The following BRINP1 variants were observed in gnomAD, a reference collection of about 807,000 sequenced individuals.
The protein encoded by BRINP1 is BMP/retinoic acid-inducible neural-specific protein 1.
Under a neutral mutation model 72.9 loss-of-function variants are expected in BRINP1, and 17 were observed. That is an observed-to-expected ratio of 0.23 (90% CI 0.16 to 0.35). The LOEUF (loss-of-function observed/expected upper bound fraction) is 0.35. BRINP1 is among the 10% of genes least tolerant of loss of function. The pLI, the probability that BRINP1 is intolerant of heterozygous loss-of-function variation, is 1.00. For synonymous variants in BRINP1, 418 were observed against 378.5 expected (o/e 1.10, Z -1.21); for missense variants, 850 against 1,001.6 (o/e 0.85, Z 2.04).
At chr9:119,216,333 C>T (rs1829974771) in intron 5 of BRINP1, among the ~76,000 whole-genome samples, 1 of 152,164 alleles carries the variant, frequency 6.6e-6, no homozygotes, top group African/African-American at 2.4e-5. Context: ...GCAGATTAAG[C>T]TATACAGTTG....
chr9:119,248,623 A>G (rs1830347226), intron 3 of BRINP1, among the ~76,000 whole-genome samples: 1 of 152,224 alleles, frequency 6.6e-6, no homozygotes, highest in Admixed American at 6.5e-5. Flanking sequence ...TCCCTAAACA[A>G]TATCTGAAAT....
chr9:119,234,940 T>C (rs2118903463), intron 5 of BRINP1, among the ~76,000 whole-genome samples: 1 of 152,278 alleles, frequency 6.6e-6, no homozygotes, highest in African/African-American at 2.4e-5. Flanking sequence ...CCATCTATCC[T>C]TTCTATCTCA....
intron 7 of BRINP1, among the ~76,000 whole-genome samples, chr9:119,179,855 T>G (rs1226325320): frequency 6.6e-6 from 1 of 152,218 alleles, no homozygotes; most frequent in Non-Finnish European, 1.5e-5. Context: ...ACACCTCAGC[T>G]GCCCCCCTGC....
At chr9:119,250,135 AGGGAGGGAAGGAGGGAGGGAG>A (rs1293594355) in intron 2 of BRINP1, among the ~76,000 whole-genome samples, 7 of 97,502 alleles carry the variant, frequency 7.2e-5, no homozygotes, top group African/African-American at 2.3e-4. Flanking sequence ...GGAGGGAGGG[AGGGAGGGAAGGAGGGAGGGAG>A]GGTGAGAAGG....
Position 119,168,428 on chromosome 9 carries a change from C to T in BRINP1, c.1146-204G>A, listed in dbSNP as rs751957846. Among the ~76,000 whole-genome samples, 42 of 152,270 alleles carry T rather than the reference C, an allele frequency of 2.8e-4. 1 individual carries two copies. The highest frequency in any genetic ancestry group is 3.3e-4 in the Admixed American group (5 of 15,306). On this transcript the variant is annotated intron_variant, in intron 7 of 7. Transcript: ENST00000265922. ...ATGCCACAAACCAGCTGCATGACAT[C>T]GTACTTTACCTTCCTAATGTTCAAT...
chr9:119,189,137 T>C (rs1283786296), intron 7 of BRINP1, among the ~76,000 whole-genome samples: 3 of 152,098 alleles, frequency 2.0e-5, no homozygotes, highest in Middle Eastern at 3.4e-3. Context: ...AAATATCTTA[T>C]GTAAGCCTCA....
At chr9:119,170,908 A>ATACTT (rs1249193947) in intron 7 of BRINP1, among the ~76,000 whole-genome samples, 4 of 144,892 alleles carry the variant, frequency 2.8e-5, no homozygotes, top group African/African-American at 5.4e-5. Flanking sequence ...GAGAAATAAA[A>ATACTT]TACTTTACAG....
chr9:119,334,784 G>A (rs1831332058), intron 1 of BRINP1, among the ~76,000 whole-genome samples: 1 of 151,910 alleles, frequency 6.6e-6, no homozygotes, highest in Non-Finnish European at 1.5e-5. Flanking sequence ...GGAGGGGGTG[G>A]GGGAGGGGAA....
intron 2 of BRINP1, among the ~76,000 whole-genome samples, chr9:119,274,219 G>A (rs972449032): frequency 2.6e-5 from 4 of 152,296 alleles, no homozygotes; most frequent in Middle Eastern, 3.4e-3. Flanking sequence ...CTAAATGGCA[G>A]TTGTTTCCTA....
At chr9:119,262,361 C>T (rs1028872014) in intron 2 of BRINP1, among the ~76,000 whole-genome samples, 48 of 151,992 alleles carry the variant, frequency 3.2e-4, no homozygotes, top group African/African-American at 9.4e-4. Flanking sequence ...AGGCCAGGCG[C>T]GGTGGCTCAC....
At position 119,291,122 on chromosome 9, in the gene BRINP1, C is replaced by CAAA. The variant is rs66505860; in HGVS notation, c.218+22013_218+22015dup. On this transcript the variant is annotated intron_variant, in intron 2 of 7. Coordinates refer to ENST00000265922, the MANE Select transcript of BRINP1 (RefSeq NM_014618.3). ...AGGGCGACAAGAATGAACTCCATCT[C>CAAA]AAAAAAAAAAAAAAAAAATTAGAAA... is the stretch of plus-strand genomic sequence containing the variant. Among the ~76,000 whole-genome samples the CAAA allele has an allele frequency of 3.2e-3, 387 of 121,088 alleles. 2 individuals carry two copies. The highest frequency in any genetic ancestry group is 0.012 in the African/African-American group (376 of 32,032). 79.4% of individuals were successfully genotyped at this position (121,088 alleles called of 152,430 possible). A position where few individuals can be genotyped will look rare whatever the true frequency, so the allele number is the denominator to read the frequency against.
intron 1 of BRINP1, among the ~76,000 whole-genome samples, chr9:119,325,411 G>T (rs1032250669): frequency 6.6e-6 from 1 of 151,962 alleles, no homozygotes; most frequent in African/African-American, 2.4e-5. Flanking sequence ...CACCCTATTC[G>T]GCCATTGCCA....
At chr9:119,184,045 G>C (rs1004451753) in intron 7 of BRINP1, among the ~76,000 whole-genome samples, 8 of 152,082 alleles carry the variant, frequency 5.3e-5, no homozygotes, top group Non-Finnish European at 2.9e-5. Flanking sequence ...TGAGCTTACA[G>C]ATTCTATTCC....
intron 1 of BRINP1, among the ~76,000 whole-genome samples, chr9:119,318,632 G>T (rs1341051315): frequency 6.6e-6 from 1 of 152,112 alleles, no homozygotes; most frequent in Non-Finnish European, 1.5e-5. Context: ...GGATGAAGGC[G>T]ATTGTTGGGA....
Position 119,285,819 on chromosome 9 carries a change from A to G in BRINP1, c.218+27319T>C, listed in dbSNP as rs150569826. The stretch of plus-strand genomic sequence containing the variant: ...ATTCAGGAAGAAACACAATTTTACC[A>G]GTGACTCCAGCGGGGCTCTTTTCCT... On this transcript the variant is annotated intron_variant, in intron 2 of 7. Transcript: ENST00000265922. Among the ~76,000 whole-genome samples, 381 of 152,226 alleles carry G rather than the reference A, an allele frequency of 2.5e-3. 3 individuals are homozygous for G. The highest frequency in any genetic ancestry group is 8.6e-3 in the African/African-American group (357 of 41,530).
rs754374991 is a variant in BRINP1 at position 119,167,613 on chromosome 9, C to A, written c.1757G>T (p.Arg586Leu). 36 of 1,614,136 alleles carry A rather than the reference C, an allele frequency of 2.2e-5. No individual in the cohort carries two copies. The highest frequency in any genetic ancestry group is 1.6e-4 in the Middle Eastern group (1 of 6,062). Residue 586 changes from arginine to leucine, a missense_variant, in exon 8 of 8, where the codon CGC (arginine) becomes CTC (leucine). Physicochemically the swap from Arg to Leu is moderately radical, Grantham distance 102. Transcript: ENST00000265922. The surrounding 1 kb of genome is among the most constrained non-coding windows in gnomAD (Gnocchi z 4.3). ...NMPFGEFGYP[R>L]WEKIRLQNSQ... ...GTTTTGGAGACGGATCTTCTCCCAG[C>A]GTGGGTAGCCAAATTCCCCGAAGGG...
chr9:119,172,515 G>C (rs1289644447), intron 7 of BRINP1, among the ~76,000 whole-genome samples: 1 of 151,714 alleles, frequency 6.6e-6, no homozygotes, highest in East Asian at 1.9e-4. Context: ...AAAGAGTCCA[G>C]GACCAGATGG....
chr9:119,172,414 T>A (rs1588153283), intron 7 of BRINP1, among the ~76,000 whole-genome samples: 4 of 152,208 alleles, frequency 2.6e-5, no homozygotes, highest in Non-Finnish European at 5.9e-5. Flanking sequence ...ACATACGCTC[T>A]CCCAAGACTA....
rs138900910 is a variant in BRINP1 at position 119,353,822 on chromosome 9, CTTTTTTTTTTTTTTTT to C, written c.-51+15218_-51+15233del. On this transcript the variant is annotated intron_variant, in intron 1 of 7. Transcript: ENST00000265922. Reference sequence around the variant, plus strand: ...ATTAAACTTAATTTTGTTTTGAGCACTTTTTTTTTTTTTTTTTTTTTTTTTTTTTTTTTACAATTTC... The same window carrying C: ...ATTAAACTTAATTTTGTTTTGAGCACTTTTTTTTTTTTTTTTTACAATTTC... Among the ~76,000 whole-genome samples the C allele has an allele frequency of 2.3e-4, 7 of 30,962 alleles. No homozygotes were observed. In the East Asian group the frequency reaches 5.4e-3, roughly 24 times the overall value. 20.3% of individuals were successfully genotyped at this position (30,962 alleles called of 152,430 possible). A position where few individuals can be genotyped will look rare whatever the true frequency, so the allele number is the denominator to read the frequency against.
Sources: gnomAD v4.1 joint callset for allele counts (sites outside exome capture counted in the v4.1 genomes callset) on GRCh38, gnomAD v4.1.1 for gene constraint, Gnocchi (gnomAD v3.1) non-coding constraint, MANE v1.5 for transcripts, NCBI Gene and HGNC (gene_info 2026-07-23, HGNC 2026-07-21) for gene names.